Variants in CCDC90B observed in about 807,000 individuals in gnomAD.
CCDC90B encodes coiled-coil domain containing 90B.
Under a neutral mutation model 37.0 loss-of-function variants are expected in CCDC90B, and 24 were observed. That is an observed-to-expected ratio of 0.65 (90% CI 0.47 to 0.91). The LOEUF (loss-of-function observed/expected upper bound fraction) is 0.91. Among genes scored for constraint, CCDC90B ranks in the 40% least tolerant of loss-of-function variants. The pLI, the probability that CCDC90B is intolerant of heterozygous loss-of-function variation, is 0.00. For synonymous variants in CCDC90B, 113 were observed against 101.1 expected, an observed-to-expected ratio of 1.12 and a Z score of -0.71; for missense variants, 319 against 299.0, an observed-to-expected ratio of 1.07 and a Z score of -0.49.
Position 83,273,608 on chromosome 11 carries a change from A to C in CCDC90B, c.594+39T>G, listed in dbSNP as rs777793696. On this transcript the variant is annotated intron_variant, in intron 7 of 8. Coordinates refer to ENST00000529689, the MANE Select transcript of CCDC90B (RefSeq NM_021825.5). Reference sequence around the variant, plus strand: ...CATAAAAGCAGTTATACAAGGCACAAGAACTGTACAAAAGAGACATTTTTA... The same window carrying C: ...CATAAAAGCAGTTATACAAGGCACACGAACTGTACAAAAGAGACATTTTTA... 7 of 1,469,860 alleles carry C rather than the reference A, an allele frequency of 4.8e-6. No individual in the cohort carries two copies. In the African/African-American group the frequency reaches 7.1e-5, roughly 15 times the overall value. The allele number at this position is 1,469,860 out of a possible 1,614,324, so 91.1% of individuals were successfully genotyped here. A position where few individuals can be genotyped will look rare whatever the true frequency, so the allele number is the denominator to read the frequency against.
At chr11:83,264,439 T>C (rs999765285) in intron 8 of CCDC90B, among the ~76,000 whole-genome samples, 3 of 152,186 alleles carry the variant, frequency 2.0e-5, no homozygotes, top group Admixed American at 2.0e-4. Flanking sequence ...CTTTCACTTT[T>C]TCGGCTTTTG....
intron 7 of CCDC90B, 93 bp from the exon 8 acceptor site, chr11:83,266,072 T>C (rs1864248418): frequency 3.1e-6 from 2 of 651,746 alleles, no homozygotes; most frequent in South Asian, 1.9e-5. Context: ...TATGGGCTAA[T>C]TGTGATATAA....
chr11:83,285,633 A>T, intron 1 of CCDC90B: 2 of 1,359,582 alleles, frequency 1.5e-6, no homozygotes, highest in Non-Finnish European at 1.9e-6. Flanking sequence ...GCCGGGCGCG[A>T]AGCCCAGGCC....
chr11:83,280,239 T>C lies in CCDC90B; in HGVS notation c.122A>G (p.Lys41Arg), dbSNP rs776529576. ...LRREFFTTTTKEGYDRRPVDI... is the reference protein window; with the variant it reads ...LRREFFTTTTREGYDRRPVDI... Reference sequence around the variant, plus strand: ...CACTGGCCGCCTATCATATCCCTCCTTGGTTGTGGTAGTGAAGAACTCTGA... The same window carrying C: ...CACTGGCCGCCTATCATATCCCTCCCTGGTTGTGGTAGTGAAGAACTCTGA... Residue 41 changes from lysine to arginine, a missense_variant, in exon 2 of 9, where the codon AAG (lysine) becomes AGG (arginine). Physicochemically the swap from Lys to Arg is conservative, Grantham distance 26. Coordinates refer to ENST00000529689, the MANE Select transcript of CCDC90B (RefSeq NM_021825.5). 5.0e-6 allele frequency: 8 copies of C among 1,613,130 alleles called. No individual in the cohort carries two copies. Among genetic ancestry groups the C allele is most frequent in the Non-Finnish European group, 5.9e-6 (7 of 1,179,638 alleles).
At position 83,260,418 on chromosome 11, in the gene CCDC90B, T is replaced by C. The variant is rs1863875909; in HGVS notation, c.*1493A>G. ...TGACTCAGTGAAAATTAATCTATAATATACTAAGAACTCTCTTAGGCAATA... is the reference window on the plus strand; with the variant it reads ...TGACTCAGTGAAAATTAATCTATAACATACTAAGAACTCTCTTAGGCAATA... On this transcript the variant is annotated 3_prime_UTR_variant, in exon 9 of 9. Transcript: ENST00000529689. 1 of 152,168 alleles carries C rather than the reference T, an allele frequency of 6.6e-6. No individual in the cohort carries two copies. Among genetic ancestry groups the C allele is most frequent in the Non-Finnish European group, 1.5e-5 (1 of 68,026 alleles). The allele number at this position is 152,168 out of a possible 1,614,324, so 9.4% of individuals were successfully genotyped here.
Position 83,278,775 on chromosome 11 carries a change from T to C in CCDC90B, c.275A>G (p.Asn92Ser). ...TTTATAGATAGTATCCAGGCTGACA[T>C]TTGATAAAGCAGTTAACGCTGATAC... ...TIVSALTALS[N>S]VSLDTIYKEM... Residue 92 changes from asparagine to serine, a missense_variant, in exon 3 of 9, where the codon AAT (asparagine) becomes AGT (serine). Asn to Ser is a conservative substitution (Grantham distance 46). Transcript: ENST00000529689. The C allele has an allele frequency of 6.2e-7, 1 of 1,613,692 alleles. No individual in the cohort carries two copies. Among genetic ancestry groups the C allele is most frequent in the Admixed American group, 1.7e-5 (1 of 60,022 alleles).
chr11:83,286,189 G>C lies in CCDC90B; in HGVS notation c.-217C>G. On this transcript the variant is annotated 5_prime_UTR_variant, in exon 1 of 9. Transcript: ENST00000529689. ...CGCGAGCATGGCTCAGCGCTGCCCC[G>C]CTTCTCCCAGCGCCCCTTCCCGACC... The C allele has an allele frequency of 6.5e-7, 1 of 1,533,716 alleles. No individual in the cohort carries two copies. Among genetic ancestry groups the C allele is most frequent in the Non-Finnish European group, 8.7e-7 (1 of 1,145,100 alleles).
Position 83,286,141 on chromosome 11 carries a change from T to A in CCDC90B, c.-169A>T, listed in dbSNP as rs1161336231. The stretch of plus-strand genomic sequence containing the variant: ...CACCGTGGTCCCACGAAACTGGGTC[T>A]CTTCACAGACAGACCCACAGTTCGC... On this transcript the variant is annotated 5_prime_UTR_variant, in exon 1 of 9. Coordinates refer to ENST00000529689, the MANE Select transcript of CCDC90B (RefSeq NM_021825.5). The A allele has an allele frequency of 2.0e-6, 3 of 1,536,100 alleles. No individual in the cohort carries two copies. The highest frequency in any genetic ancestry group is 2.6e-6 in the Non-Finnish European group (3 of 1,146,922).
At chr11:83,279,196 G>A (rs1272734778) in intron 2 of CCDC90B, among the ~76,000 whole-genome samples, 1 of 152,020 alleles carries the variant, frequency 6.6e-6, no homozygotes, top group East Asian at 1.9e-4. Flanking sequence ...CAGGAGAATG[G>A]TGTGAACCTG....
intron 7 of CCDC90B, chr11:83,267,148 AT>A (rs2135596980): frequency 6.6e-6 from 1 of 152,386 alleles, no homozygotes; most frequent in Admixed American, 6.5e-5. Flanking sequence ...AACAACAAAG[AT>A]GGGGAAAAAC....
chr11:83,263,634 C>T (rs540586810), intron 8 of CCDC90B, among the ~76,000 whole-genome samples: 1 of 152,246 alleles, frequency 6.6e-6, no homozygotes, highest in South Asian at 2.1e-4. Context: ...CAAAAGGTGG[C>T]GTCTGACCCA....
intron 8 of CCDC90B, among the ~76,000 whole-genome samples, chr11:83,264,186 G>A (rs1046562090): frequency 3.9e-5 from 6 of 152,142 alleles, no homozygotes; most frequent in African/African-American, 1.4e-4. Context: ...ACTGAAGGGA[G>A]AATGCCTGTT....
At chr11:83,268,311 A>C (rs780113716) in intron 7 of CCDC90B, among the ~76,000 whole-genome samples, 3 of 152,188 alleles carry the variant, frequency 2.0e-5, no homozygotes, top group Non-Finnish European at 4.4e-5. Context: ...CAGACTGGCA[A>C]ATTGGATAGA....
At position 83,285,247 on chromosome 11, in the gene CCDC90B, AACG is replaced by A. The variant is rs369989555; in HGVS notation, c.100+623_100+625del. On this transcript the variant is annotated intron_variant, in intron 1 of 8. Coordinates refer to ENST00000529689, the MANE Select transcript of CCDC90B (RefSeq NM_021825.5). The stretch of plus-strand genomic sequence containing the variant: ...AGTTAAAAAACTGGGGGTGAAAAAC[AACG>A]ACGACAACAAAAACCTAGCCCTAGA... 2.3e-4 allele frequency: 290 copies of A among 1,282,602 alleles called. 2 individuals are homozygous for A. In the African/African-American group the frequency reaches 3.6e-3, roughly 16 times the overall value. 79.5% of individuals were successfully genotyped at this position (1,282,602 alleles called of 1,614,324 possible). A position where few individuals can be genotyped will look rare whatever the true frequency, so the allele number is the denominator to read the frequency against.
rs989108596 is a variant in CCDC90B, at chr11:83,261,482, A to G, written c.*429T>C. The stretch of plus-strand genomic sequence containing the variant: ...TTGTTGTAATAATCTTTCATTTTAT[A>G]GAAAAATGTAATTATGCAATGGTTA... On this transcript the variant is annotated 3_prime_UTR_variant, in exon 9 of 9. Transcript: ENST00000529689. 6.5e-6 allele frequency: 1 copy of G among 152,794 alleles called. No individual in the cohort carries two copies. Among genetic ancestry groups the G allele is most frequent in the African/African-American group, 2.4e-5 (1 of 41,472 alleles). 9.5% of individuals were successfully genotyped at this position (152,794 alleles called of 1,614,324 possible).
Position 83,286,223 on chromosome 11 carries a change from C to G in CCDC90B, c.-251G>C, listed in dbSNP as rs1466988842. 2.0e-6 allele frequency: 3 copies of G among 1,515,544 alleles called. No individual in the cohort carries two copies. The highest frequency in any genetic ancestry group is 1.8e-6 in the Non-Finnish European group (2 of 1,130,320). The allele number at this position is 1,515,544 out of a possible 1,614,324, so 93.9% of individuals were successfully genotyped here. ...AGCGCCCCTTCCCGACCTTTGAACG[C>G]CTTCACCGCCCTAGGAAAGCGAGAT... On this transcript the variant is annotated 5_prime_UTR_variant, in exon 1 of 9. Transcript: ENST00000529689.
intron 8 of CCDC90B, among the ~76,000 whole-genome samples, chr11:83,264,874 T>C (rs894069832): frequency 4.8e-5 from 7 of 147,176 alleles, no homozygotes; most frequent in South Asian, 2.2e-4. Flanking sequence ...AACCAAACAC[T>C]GCATATTCTC....
intron 7 of CCDC90B, chr11:83,267,404 T>C (rs186156971): frequency 3.3e-5 from 5 of 152,154 alleles, no homozygotes; most frequent in Admixed American, 3.3e-4. Context: ...GAATAAACAG[T>C]GTAGAGAAGA....
At chr11:83,285,529 A>T (rs1223720004) in intron 1 of CCDC90B, 2 of 1,165,436 alleles carry the variant, frequency 1.7e-6, no homozygotes, top group African/African-American at 3.2e-5. Context: ...AAAAGAAAAC[A>T]GGACACCCTC....
Sources: gnomAD v4.1 joint callset for allele counts (sites outside exome capture counted in the v4.1 genomes callset) on GRCh38, gnomAD v4.1.1 for gene constraint, MANE v1.5 for transcripts, NCBI Gene and HGNC (gene_info 2026-07-23, HGNC 2026-07-21) for gene names.